PDZD7: variants seen among roughly 807,000 people sequenced by gnomAD.
PDZD7 encodes the protein PDZ domain containing 7.
PDZD7 carries 72 observed loss-of-function variants against 84.7 expected under a neutral mutation model. The ratio of observed to expected loss-of-function variants is 0.85; its 90% CI spans 0.70 to 1.03. PDZD7 has a LOEUF of 1.03. Ranked by LOEUF, PDZD7 falls within the 50% of genes least tolerant of loss-of-function variation. PDZD7 has a pLI of 0.00. For synonymous variants in PDZD7, 594 were observed against 580.7 expected (o/e 1.02, Z -0.33); for missense variants, 1,490 against 1,412.9 (o/e 1.05, Z -0.87).
intron 11 of PDZD7, among the ~76,000 whole-genome samples, chr10:101,015,277 C>T (rs1214707926): frequency 2.6e-5 from 4 of 152,182 alleles, no homozygotes; most frequent in African/African-American, 9.7e-5. Context: ...CACGTGGCAC[C>T]TGTCCGCTCC....
At chr10:101,024,398 T>C (rs1937593625) in intron 2 of PDZD7, among the ~76,000 whole-genome samples, 1 of 152,016 alleles carries the variant, frequency 6.6e-6, no homozygotes, top group Non-Finnish European at 1.5e-5. Flanking sequence ...CACACACCAC[T>C]GTGCCTGGAT....
At chr10:101,016,237 ACATAC>A (rs1852618983) in intron 10 of PDZD7, 135 bp downstream of exon 10, 1 of 857,376 alleles carries the variant, frequency 1.2e-6, no homozygotes, top group African/African-American at 1.7e-5. Context: ...TGCCCCCAAT[ACATAC>A]CATTCTAGCT....
Position 101,019,092 on chromosome 10 carries a change from C to G in PDZD7, c.1054G>C (p.Gly352Arg), listed in dbSNP as rs368067740. 1.6e-5 allele frequency: 25 copies of G among 1,563,526 alleles called. No homozygotes were observed. The highest frequency in any genetic ancestry group is 2.3e-5 in the East Asian group (1 of 42,982). The change falls in exon 8 of 17, where the codon GGG becomes CGG. Residue 352 changes from glycine to arginine, a missense_variant. Physicochemically the swap from Gly to Arg is moderately radical, Grantham distance 125 (BLOSUM62 -2). Transcript: ENST00000619208. ...CCGCGGCTGCCGGGCTCCTCCTGCC[C>G]GAGGCAGATGTCCATGCGGTCCGAC... ...LPSDRMDICL[G>R]QEEPGSRGPG...
chr10:101,012,348 C>T (rs1317255544), intron 11 of PDZD7, 90 bp from the exon 12 acceptor site: 34 of 1,109,704 alleles, frequency 3.1e-5, no homozygotes, highest in South Asian at 5.3e-5. Flanking sequence ...GTTTCTTCTA[C>T]GCATGTAGGG....
chr10:101,017,341 T>C (rs1852674796), intron 9 of PDZD7: 1 of 394,754 alleles, frequency 2.5e-6, no homozygotes, highest in Admixed American at 4.1e-5. Flanking sequence ...CTCAGATGTT[T>C]AGACCCAGCT....
At position 101,008,724 on chromosome 10, in the gene PDZD7, C is replaced by A; in HGVS notation, c.2845G>T (p.Val949Phe). 6.5e-7 allele frequency: 1 copy of A among 1,535,926 alleles called. No homozygotes were observed. Among genetic ancestry groups the A allele is most frequent in the Non-Finnish European group, 8.7e-7 (1 of 1,146,820 alleles). The change falls in exon 17 of 17, where the codon GTC (valine) becomes TTC (phenylalanine). Residue 949 changes from valine to phenylalanine, a missense_variant. By Grantham distance (50) the Val-to-Phe change is conservative (BLOSUM62 -1). Coordinates refer to ENST00000619208, the MANE Select transcript of PDZD7 (RefSeq NM_001195263.2). ...GAGGGCCGTGGGCTGGGCCCGGGGA[C>A]CCTGACCACAAGCTCCATGGGCTCC... is the stretch of plus-strand genomic sequence containing the variant. ...AREPMELVVRVPGPSPRPSPS... is the reference protein window; with the variant it reads ...AREPMELVVRFPGPSPRPSPS...
intron 11 of PDZD7, among the ~76,000 whole-genome samples, chr10:101,013,330 A>T (rs974552803): frequency 6.6e-6 from 1 of 152,168 alleles, no homozygotes; most frequent in East Asian, 1.9e-4. Flanking sequence ...GGGCACAATG[A>T]TCCTGTCTCA....
At chr10:101,024,835 ATGTGTGTG>A (rs61697970) in intron 2 of PDZD7, among the ~76,000 whole-genome samples, 7 of 148,306 alleles carry the variant, frequency 4.7e-5, no homozygotes, top group African/African-American at 7.4e-5. Flanking sequence ...CCTTCCTAAT[ATGTGTGTG>A]TGTGTGTGTG....
intron 14 of PDZD7, chr10:101,011,414 T>G (rs1453630272): frequency 1.7e-5 from 14 of 809,320 alleles, no homozygotes; most frequent in Non-Finnish European, 2.4e-5. Context: ...AAAATACGAC[T>G]AGCACACCAA....
chr10:101,019,056 C>T lies in PDZD7; in HGVS notation c.1090G>A (p.Gly364Arg), dbSNP rs1211478781. 6.3e-7 allele frequency: 1 copy of T among 1,577,974 alleles called. No individual in the cohort carries two copies. The highest frequency in any genetic ancestry group is 2.3e-5 in the East Asian group (1 of 43,674). The change falls in exon 8 of 17, where the codon GGG (glycine) becomes AGG (arginine). Residue 364 changes from glycine to arginine, a missense_variant. Gly to Arg is a moderately radical substitution (Grantham distance 125). Coordinates refer to ENST00000619208, the MANE Select transcript of PDZD7 (RefSeq NM_001195263.2). ...EEPGSRGPGW[G>R]RADTAMQTEP... Reference sequence around the variant, plus strand: ...GTCTGCATGGCTGTGTCCGCCCGCCCCCAGCCTGGGCCGCGGCTGCCGGGC... The same window carrying T: ...GTCTGCATGGCTGTGTCCGCCCGCCTCCAGCCTGGGCCGCGGCTGCCGGGC...
At chr10:101,025,006 T>G (rs1937615047) in intron 2 of PDZD7, among the ~76,000 whole-genome samples, 2 of 152,086 alleles carry the variant, frequency 1.3e-5, no homozygotes, top group South Asian at 4.2e-4. Flanking sequence ...GTGTCTGGCT[T>G]CATCAGCTTG....
chr10:101,013,692 C>T (rs1005510377), intron 11 of PDZD7, among the ~76,000 whole-genome samples: 4 of 152,164 alleles, frequency 2.6e-5, no homozygotes, highest in Admixed American at 6.5e-5. Context: ...TAAACCTATG[C>T]GGCGGCCGTG....
chr10:101,019,772 C>T (rs796249717), intron 7 of PDZD7, among the ~76,000 whole-genome samples: 2 of 151,820 alleles, frequency 1.3e-5, no homozygotes, highest in African/African-American at 4.8e-5. Context: ...ATGACAGGTG[C>T]CCACCACCAC....
At chr10:101,010,983 T>C (rs1020429075) in intron 14 of PDZD7, 100 bp from the exon 15 acceptor site, 30 of 1,524,522 alleles carry the variant, frequency 2.0e-5, no homozygotes, top group Middle Eastern at 2.3e-4. Context: ...GGCCCGAGTT[T>C]GTTCAGGCAC....
intron 11 of PDZD7, among the ~76,000 whole-genome samples, chr10:101,013,457 A>C (rs1852467331): frequency 1.3e-5 from 2 of 152,236 alleles, no homozygotes; most frequent in African/African-American, 2.4e-5. Flanking sequence ...GGAAGATCCC[A>C]GTGGGCTTCA....
rs1447845727 is a variant in PDZD7, at chr10:101,015,656, C to G, written c.1729G>C (p.Val577Leu). ...RLLTDDEVLAVTRHCSRYVHE... is the reference protein window; with the variant it reads ...RLLTDDEVLALTRHCSRYVHE... ...CTTACCCGGGAGCAGTGGCGGGTGA[C>G]AGCCAGCACCTCGTCATCAGTCAGC... Residue 577 changes from valine to leucine, a missense_variant, in exon 11 of 17, where the codon GTC (valine) becomes CTC (leucine). Physicochemically the swap from Val to Leu is conservative, Grantham distance 32. Coordinates refer to ENST00000619208, the MANE Select transcript of PDZD7 (RefSeq NM_001195263.2). 2 of 1,549,814 alleles carry G rather than the reference C, an allele frequency of 1.3e-6. No individual in the cohort carries two copies. The highest frequency in any genetic ancestry group is 1.7e-6 in the Non-Finnish European group (2 of 1,146,566).
At position 101,012,203 on chromosome 10, in the gene PDZD7, T is replaced by C. The variant is rs1340578636; in HGVS notation, c.1805A>G (p.Asp602Gly). Residue 602 changes from aspartate to glycine, a missense_variant, in exon 12 of 17, where the codon GAC becomes GGC. Transcript: ENST00000619208. ...DLVRPLLAIL[D>G]RPEKLLLLQD... is the part of the protein sequence containing the mutation. ...CAGCAGTAGCAGCTTCTCCGGCCTGTCGAGGATGGCCAGCAGGGGCCTCAC... is the reference window on the plus strand; with the variant it reads ...CAGCAGTAGCAGCTTCTCCGGCCTGCCGAGGATGGCCAGCAGGGGCCTCAC... 2 of 1,550,466 alleles carry C rather than the reference T, an allele frequency of 1.3e-6. No homozygotes were observed. Among genetic ancestry groups the C allele is most frequent in the East Asian group, 4.9e-5 (2 of 40,918 alleles).
chr10:101,024,137 A>T, intron 2 of PDZD7, 69 bp from the exon 3 acceptor site: 2 of 1,611,490 alleles, frequency 1.2e-6, no homozygotes, highest in Non-Finnish European at 1.7e-6. Flanking sequence ...GGGTTCCCCA[A>T]CTTGGGGCCT....
At chr10:101,017,850 A>AGAAAGAAAGAAAGAAAGAAAGAAAG (rs1852739425) in intron 9 of PDZD7, 4 of 347,970 alleles carry the variant, frequency 1.1e-5, no homozygotes, top group African/African-American at 8.1e-5. Flanking sequence ...AAAGAAAGAA[A>AGAAAGAAAGAAAGAAAGAAAGAAAG]GAAAGAAAGA....
Sources: allele counts gnomAD v4.1 joint callset (sites outside exome capture counted in the v4.1 genomes callset), GRCh38; gene constraint gnomAD v4.1.1; transcripts MANE v1.5; gene names NCBI Gene and HGNC (gene_info 2026-07-23, HGNC 2026-07-21).